Variants in HUNK observed in about 807,000 individuals in gnomAD.
HUNK encodes hormonally up-regulated neu tumor-associated kinase.
HUNK carries 21 observed loss-of-function variants against 61.0 expected under a neutral mutation model. The ratio of observed to expected loss-of-function variants is 0.34; its 90% CI spans 0.24 to 0.50. HUNK has a LOEUF of 0.50. HUNK is among the 20% of genes least tolerant of loss of function. The pLI, the probability that HUNK is intolerant of heterozygous loss-of-function variation, is 0.98. For missense variants in HUNK, 772 were observed against 945.7 expected (o/e 0.82, Z 2.41); for synonymous variants, 371 against 386.1 (o/e 0.96, Z 0.46).
At position 31,931,809 on chromosome 21, in the gene HUNK, G is replaced by A. The variant is rs564941376; in HGVS notation, c.554+7049G>A. Among the ~76,000 whole-genome samples the A allele has an allele frequency of 9.2e-5, 14 of 152,216 alleles. No homozygotes were observed. The South Asian group carries it at 2.9e-3, about 32-fold the overall frequency. On this transcript the variant is annotated intron_variant, in intron 2 of 10. Coordinates refer to ENST00000270112, the MANE Select transcript of HUNK (RefSeq NM_014586.2). ...CTCTTTCCTGAGTTCCTGCCCCTCA[G>A]CCTAGACCTCCTGGGCTGGGCATGG...
At chr21:31,953,731 C>T (rs1318112196) in intron 4 of HUNK, among the ~76,000 whole-genome samples, 1 of 152,102 alleles carries the variant, frequency 6.6e-6, no homozygotes, top group Non-Finnish European at 1.5e-5. Flanking sequence ...TATTATTATC[C>T]ACATCTTATG....
intron 1 of HUNK, among the ~76,000 whole-genome samples, chr21:31,877,850 A>C (rs1425647526): frequency 6.6e-6 from 1 of 152,150 alleles, no homozygotes. Flanking sequence ...GGCACATAAC[A>C]AGTGCCCCCC....
intron 4 of HUNK, among the ~76,000 whole-genome samples, chr21:31,955,591 A>G (rs956659272): frequency 6.6e-6 from 1 of 152,244 alleles, no homozygotes; most frequent in Non-Finnish European, 1.5e-5. Context: ...ACTCCGTCTC[A>G]AAAAAGAAAA....
At position 31,931,030 on chromosome 21, in the gene HUNK, T is replaced by C. The variant is rs139656394; in HGVS notation, c.554+6270T>C. ...AATAAATCAAGAATTTGCACATCATTTGCTTTTAATACAGTGCTTTTGAAG... is the reference window on the plus strand; with the variant it reads ...AATAAATCAAGAATTTGCACATCATCTGCTTTTAATACAGTGCTTTTGAAG... On this transcript the variant is annotated intron_variant, in intron 2 of 10. Coordinates refer to ENST00000270112, the MANE Select transcript of HUNK (RefSeq NM_014586.2). 2.5e-3 allele frequency among the ~76,000 whole-genome samples: 366 copies of C among 147,694 alleles called. 3 individuals carry two copies. The highest frequency in any genetic ancestry group is 8.8e-3 in the African/African-American group (346 of 39,106).
Position 31,983,593 on chromosome 21 carries a change from C to T in HUNK, c.1241C>T (p.Pro414Leu), listed in dbSNP as rs1178921072. The T allele has an allele frequency of 6.2e-7, 1 of 1,613,182 alleles. No individual in the cohort carries two copies. Among genetic ancestry groups the T allele is most frequent in the Non-Finnish European group, 8.5e-7 (1 of 1,179,630 alleles). The change falls in exon 8 of 11, where the codon CCC (proline) becomes CTC (leucine). Residue 414 changes from proline (P) to leucine (L), a missense_variant. Physicochemically the swap from Pro to Leu is moderately conservative, Grantham distance 98. This residue lies in a region of HUNK where 413 missense variants were observed against 444.4 expected (regional missense o/e 0.93). Coordinates refer to ENST00000270112, the MANE Select transcript of HUNK (RefSeq NM_014586.2). Reference protein sequence around the residue: ...RLYQIEKYRAPKESYEASLDT... With the variant: ...RLYQIEKYRALKESYEASLDT... ...TACCAGATAGAAAAGTACAGGGCCC[C>T]CAAGGAGTCCTATGAGGTGAGTGAC...
intron 1 of HUNK, among the ~76,000 whole-genome samples, chr21:31,886,916 A>G (rs2052350734): frequency 6.6e-6 from 1 of 152,190 alleles, no homozygotes; most frequent in Non-Finnish European, 1.5e-5. Flanking sequence ...GCTGGGTGGC[A>G]TGAGCCACCG....
intron 9 of HUNK, among the ~76,000 whole-genome samples, chr21:31,995,349 T>C (rs529282484): frequency 6.6e-6 from 1 of 152,306 alleles, no homozygotes; most frequent in East Asian, 1.9e-4. Context: ...TAGAACCTGA[T>C]GTGAAGGTGG....
chr21:31,968,857 T>C, intron 6 of HUNK, among the ~76,000 whole-genome samples: 1 of 150,622 alleles, frequency 6.6e-6, no homozygotes. Flanking sequence ...TGTGTGTGTG[T>C]GTGTGTGTGT....
chr21:31,933,334 C>A (rs2052711205), intron 2 of HUNK, among the ~76,000 whole-genome samples: 1 of 152,132 alleles, frequency 6.6e-6, no homozygotes, highest in African/African-American at 2.4e-5. Flanking sequence ...TTCTCTTCTC[C>A]TTCACATTTG....
At chr21:31,904,643 C>T (rs2052492601) in intron 1 of HUNK, among the ~76,000 whole-genome samples, 1 of 152,032 alleles carries the variant, frequency 6.6e-6, no homozygotes, top group Admixed American at 6.5e-5. Flanking sequence ...GTGGGTCTTC[C>T]GTGTTTTAGA....
chr21:31,877,712 C>T (rs2052275086), intron 1 of HUNK, among the ~76,000 whole-genome samples: 1 of 152,184 alleles, frequency 6.6e-6, no homozygotes, highest in South Asian at 2.1e-4. Context: ...AAGTACCACT[C>T]TCTGGCTTTG....
chr21:31,983,022 C>T (rs905318057), intron 7 of HUNK, among the ~76,000 whole-genome samples: 11 of 152,088 alleles, frequency 7.2e-5, no homozygotes, highest in African/African-American at 2.4e-4. Flanking sequence ...AGGCTGGTCT[C>T]GAACTCCTGA....
intron 7 of HUNK, among the ~76,000 whole-genome samples, chr21:31,974,991 G>A: frequency 6.6e-6 from 1 of 151,190 alleles, no homozygotes; most frequent in East Asian, 1.9e-4. Flanking sequence ...CAGCATCTCT[G>A]TTGTCTTTTT....
chr21:31,915,236 C>T (rs564787900), intron 1 of HUNK, among the ~76,000 whole-genome samples: 24 of 152,116 alleles, frequency 1.6e-4, no homozygotes, highest in Middle Eastern at 3.4e-3. Flanking sequence ...ACACTTATAC[C>T]TAGAACCCTG....
chr21:31,909,229 C>A (rs1237443880), intron 1 of HUNK, among the ~76,000 whole-genome samples: 4 of 152,200 alleles, frequency 2.6e-5, no homozygotes, highest in African/African-American at 9.7e-5. Flanking sequence ...TCTGTACAGC[C>A]CAGCAATTCT....
chr21:31,994,411 G>T (rs1260596033), intron 9 of HUNK, among the ~76,000 whole-genome samples: 1 of 152,200 alleles, frequency 6.6e-6, no homozygotes, highest in Non-Finnish European at 1.5e-5. Context: ...ATTAGAAAGG[G>T]CTGCAAAAGT....
At chr21:31,900,446 A>AACACACACACACACACACAC (rs3138690) in intron 1 of HUNK, among the ~76,000 whole-genome samples, 2,571 of 143,058 alleles carry the variant, frequency 0.018, 42 homozygotes, top group African/African-American at 0.025. Context: ...TAGTTACTGA[A>AACACACACACACACACACAC]ACACACACAC....
intron 7 of HUNK, among the ~76,000 whole-genome samples, chr21:31,976,654 A>G (rs1163696584): frequency 6.6e-6 from 1 of 151,286 alleles, no homozygotes; most frequent in Non-Finnish European, 1.5e-5. Context: ...TTTAGTAGAG[A>G]TGGAGTTTTG....
intron 4 of HUNK, among the ~76,000 whole-genome samples, chr21:31,955,784 C>T (rs2052885524): frequency 6.6e-6 from 1 of 152,188 alleles, no homozygotes; most frequent in Non-Finnish European, 1.5e-5. Flanking sequence ...GTTTGAGAAA[C>T]ACTGAATGAG....
Sources: allele counts gnomAD v4.1 joint callset (sites outside exome capture counted in the v4.1 genomes callset), GRCh38; gene constraint gnomAD v4.1.1; regional missense constraint gnomAD v4.1.1; transcripts MANE v1.5; gene names NCBI Gene and HGNC (gene_info 2026-07-23, HGNC 2026-07-21).